PLCG2: variants seen among roughly 807,000 people sequenced by gnomAD.
PLCG2 encodes the protein 1-phosphatidylinositol 4,5-bisphosphate phosphodiesterase gamma-2.
In PLCG2, 69 loss-of-function variants were observed where a neutral mutation model predicts 175.6. The ratio of observed to expected loss-of-function variants is 0.39; its 90% CI spans 0.32 to 0.48. The LOEUF (loss-of-function observed/expected upper bound fraction) is 0.48. Ranked by LOEUF, PLCG2 falls within the 20% of genes least tolerant of loss-of-function variation. The pLI, the probability that PLCG2 is intolerant of heterozygous loss-of-function variation, is 0.91. For synonymous variants in PLCG2, 827 were observed against 624.0 expected, an observed-to-expected ratio of 1.33 and a Z score of -4.85; for missense variants, 1,798 against 1,650.9, an observed-to-expected ratio of 1.09 and a Z score of -1.54.
At chr16:81,846,477 A>T (rs537109213) in intron 2 of PLCG2, among the ~76,000 whole-genome samples, 2 of 152,358 alleles carry the variant, frequency 1.3e-5, no homozygotes, top group African/African-American at 4.8e-5. Context: ...GCAAAACATT[A>T]GCACTCTGCC....
intron 5 of PLCG2, among the ~76,000 whole-genome samples, chr16:81,868,984 C>T (rs1172548603): frequency 6.6e-6 from 1 of 152,238 alleles, no homozygotes; most frequent in African/African-American, 2.4e-5. Flanking sequence ...ATCACCCTAC[C>T]CTGTGAGTCT....
chr16:81,888,701 G>GT (rs1221138761), intron 9 of PLCG2, among the ~76,000 whole-genome samples: 3 of 152,184 alleles, frequency 2.0e-5, no homozygotes, highest in Admixed American at 6.5e-5. Context: ...GCCAACCCAG[G>GT]TAAGTGACCT....
chr16:81,860,061 C>A (rs551911962), intron 5 of PLCG2, among the ~76,000 whole-genome samples: 2 of 151,844 alleles, frequency 1.3e-5, no homozygotes, highest in African/African-American at 4.8e-5. Context: ...GCCGTAAAGT[C>A]CTGGGCTCAA....
At chr16:81,751,550 G>C (rs73604557) in intron 1 of PLCG2, among the ~76,000 whole-genome samples, 2 of 152,142 alleles carry the variant, frequency 1.3e-5, no homozygotes, top group Non-Finnish European at 2.9e-5. Context: ...GAGACCTATT[G>C]TATGGCGTGG....
chr16:81,954,790 C>G (rs1297737096), intron 31 of PLCG2, among the ~76,000 whole-genome samples: 1 of 152,182 alleles, frequency 6.6e-6, no homozygotes, highest in Non-Finnish European at 1.5e-5. Context: ...CATGGTGCTG[C>G]AGTAAACTTA....
intron 10 of PLCG2, among the ~76,000 whole-genome samples, chr16:81,890,929 G>T (rs1478125714): frequency 6.6e-6 from 1 of 152,228 alleles, no homozygotes; most frequent in Non-Finnish European, 1.5e-5. Context: ...TTGGGAGGCT[G>T]AGGCGGGTGG....
At chr16:81,850,371 G>A (rs7196412) in intron 2 of PLCG2, among the ~76,000 whole-genome samples, 12,399 of 151,588 alleles carry the variant, frequency 0.082, 537 homozygotes, top group African/African-American at 0.092. Context: ...AAACAAAAAA[G>A]TTTCAGTGCA....
chr16:81,925,431 A>G (rs1450132484), intron 22 of PLCG2, among the ~76,000 whole-genome samples: 1 of 152,136 alleles, frequency 6.6e-6, no homozygotes, highest in Non-Finnish European at 1.5e-5. Flanking sequence ...CCTTGCCAGA[A>G]GTGGGTCTGG....
rs529068283 is a variant in PLCG2, at chr16:81,832,876, C to G, written c.194-21568C>G. Among the ~76,000 whole-genome samples the G allele has an allele frequency of 5.3e-5, 8 of 152,282 alleles. No individual in the cohort carries two copies. In the South Asian group the frequency reaches 1.7e-3, roughly 32 times the overall value. Reference sequence around the variant, plus strand: ...AGCCATAAGAGAGCAGGCTAAGTGCCCAGATAGGAAGGTGTCAGCGTGTGA... The same window carrying G: ...AGCCATAAGAGAGCAGGCTAAGTGCGCAGATAGGAAGGTGTCAGCGTGTGA... On this transcript the variant is annotated intron_variant, in intron 2 of 32. Transcript: ENST00000564138.
chr16:81,866,521 C>G lies in PLCG2; in HGVS notation c.480-2693C>G, dbSNP rs1282489554. On this transcript the variant is annotated intron_variant, in intron 5 of 32. Transcript: ENST00000564138. ...AGCATGAGAGGACGCTGGCCTCTCC[C>G]TTGCTCCCAGGATGAGCTCCACTGG... Among the ~76,000 whole-genome samples, 8 of 85,454 alleles carry G rather than the reference C, an allele frequency of 9.4e-5. 1 individual carries two copies. The highest frequency in any genetic ancestry group is 2.7e-4 in the African/African-American group (8 of 29,492). 56.1% of individuals were successfully genotyped at this position (85,454 alleles called of 152,430 possible).
intron 1 of PLCG2, among the ~76,000 whole-genome samples, chr16:81,743,441 A>G (rs962622400): frequency 1.3e-5 from 2 of 152,258 alleles, no homozygotes; most frequent in Non-Finnish European, 2.9e-5. Context: ...TCACCCAGGC[A>G]AAGAGCCCAG....
chr16:81,834,578 C>A (rs1293373112), intron 2 of PLCG2, among the ~76,000 whole-genome samples: 1 of 149,456 alleles, frequency 6.7e-6, no homozygotes, highest in East Asian at 1.9e-4. Context: ...GTTGATAGAC[C>A]CTGGATCTGC....
At chr16:81,786,232 C>T in intron 2 of PLCG2, 50 bp downstream of exon 2, 1 of 1,438,362 alleles carries the variant, frequency 7.0e-7, no homozygotes, top group South Asian at 1.2e-5. Context: ...GGGGCCCTGG[C>T]CTGAGCACCT....
intron 30 of PLCG2, 43 bp downstream of exon 30, chr16:81,940,102 T>G (rs1313183927): frequency 6.5e-7 from 1 of 1,528,340 alleles, no homozygotes; most frequent in Non-Finnish European, 9.0e-7. Flanking sequence ...GGGCTGGCGT[T>G]GTACTTTGGT....
chr16:81,809,249 G>T (rs925004031), intron 2 of PLCG2, among the ~76,000 whole-genome samples: 1 of 152,106 alleles, frequency 6.6e-6, no homozygotes, highest in Non-Finnish European at 1.5e-5. Flanking sequence ...ATGCCTGAGG[G>T]CTTCTGCTAG....
Position 81,891,556 on chromosome 16 carries a change from C to G in PLCG2, c.952C>G (p.Leu318Val), listed in dbSNP as rs1384764686. Residue 318 changes from leucine (L) to valine (V), a missense_variant, in exon 11 of 33, where the codon CTG becomes GTG. Transcript: ENST00000564138. ...AVDMQDMNNP[L>V]SHYWISSSHN... ...GGACATGCAGGACATGAACAACCCC[C>G]TGTCTCATTACTGGATCTCCTCGTC... 1 of 1,607,340 alleles carries G rather than the reference C, an allele frequency of 6.2e-7. No individual in the cohort carries two copies. Among genetic ancestry groups the G allele is most frequent in the Non-Finnish European group, 8.5e-7 (1 of 1,173,962 alleles).
intron 9 of PLCG2, among the ~76,000 whole-genome samples, chr16:81,885,510 A>G (rs1451225238): frequency 5.3e-5 from 8 of 152,198 alleles, no homozygotes; most frequent in African/African-American, 9.7e-5. Flanking sequence ...ACACTCCTGT[A>G]TCTCCCTACC....
intron 9 of PLCG2, among the ~76,000 whole-genome samples, chr16:81,886,203 T>C (rs1236837905): frequency 1.3e-5 from 2 of 152,092 alleles, no homozygotes; most frequent in Non-Finnish European, 2.9e-5. Flanking sequence ...GGTGGTTGAC[T>C]TTATTACGTG....
At chr16:81,928,777 G>C in intron 24 of PLCG2, 153 bp downstream of exon 24, 1 of 635,468 alleles carries the variant, frequency 1.6e-6, no homozygotes, top group South Asian at 1.9e-5. Context: ...GGTCAGGCTG[G>C]TCAGTGAGTA....
Sources: gnomAD v4.1 joint callset for allele counts (sites outside exome capture counted in the v4.1 genomes callset) on GRCh38, gnomAD v4.1.1 for gene constraint, MANE v1.5 for transcripts, NCBI Gene and HGNC (gene_info 2026-07-23, HGNC 2026-07-21) for gene names.